Variants in ELFN2 observed in about 807,000 individuals in gnomAD.
ELFN2 encodes the protein protein phosphatase 1 regulatory subunit 29.
ELFN2 carries 17 observed loss-of-function variants against 45.5 expected under a neutral mutation model. That is an observed-to-expected ratio of 0.37 (90% CI 0.26 to 0.56). ELFN2 has a LOEUF of 0.56. Among genes scored for constraint, ELFN2 ranks in the 20% least tolerant of loss-of-function variants. The pLI is 0.77. For missense variants in ELFN2, 922 were observed against 1,183.2 expected, an observed-to-expected ratio of 0.78 and a Z score of 3.24; for synonymous variants, 550 against 551.5, an observed-to-expected ratio of 1.00 and a Z score of 0.04.
intron 2 of ELFN2, among the ~76,000 whole-genome samples, chr22:37,411,535 T>G (rs1243745276): frequency 1.3e-5 from 2 of 152,100 alleles, no homozygotes; most frequent in Non-Finnish European, 2.9e-5. Context: ...GTCCTTTGCC[T>G]GAGGTCCAGA....
intron 2 of ELFN2, among the ~76,000 whole-genome samples, chr22:37,410,905 G>A (rs531575015): frequency 1.3e-5 from 2 of 152,150 alleles, no homozygotes; most frequent in Non-Finnish European, 2.9e-5. Context: ...CACATTTCCT[G>A]ACCTAGCACC....
downstream of ELFN2, among the ~76,000 whole-genome samples, chr22:37,365,047 C>A (rs893299524): frequency 2.0e-5 from 3 of 152,182 alleles, no homozygotes; most frequent in African/African-American, 4.8e-5. Flanking sequence ...CCAGGCTGAG[C>A]CCAGAGGAGA....
At position 37,425,085 on chromosome 22, in the gene ELFN2, T is replaced by C. The variant is rs1049354197; in HGVS notation, c.-614+2213A>G. ...AAACACAGAAAGCAGCAAAATGGGATTCGAACCAATGGCCTCACGCTCCCT... is the reference window on the plus strand; with the variant it reads ...AAACACAGAAAGCAGCAAAATGGGACTCGAACCAATGGCCTCACGCTCCCT... On this transcript the variant is annotated intron_variant, in intron 1 of 2. Transcript: ENST00000402918. 5.9e-5 allele frequency among the ~76,000 whole-genome samples: 9 copies of C among 152,166 alleles called. 1 individual carries two copies. The highest frequency in any genetic ancestry group is 1.3e-4 in the Admixed American group (2 of 15,278).
At chr22:37,395,106 AAAATAAATAAATAAATAAATAAAT>A (rs3041590) in intron 2 of ELFN2, among the ~76,000 whole-genome samples, 1 of 140,928 alleles carries the variant, frequency 7.1e-6, no homozygotes, top group African/African-American at 2.6e-5. Context: ...CTCTGTCTCA[AAAATAAATAAATAAATAAATAAAT>A]AAATAAATAA....
chr22:37,421,902 C>G (rs1380106015), intron 1 of ELFN2, among the ~76,000 whole-genome samples: 4 of 152,182 alleles, frequency 2.6e-5, no homozygotes, highest in Non-Finnish European at 5.9e-5. Context: ...GACCCCACAG[C>G]CTCTGTCTCT....
At chr22:37,366,795 T>C (rs984353929), downstream of ELFN2, among the ~76,000 whole-genome samples, 2 of 152,220 alleles carry the variant, frequency 1.3e-5, no homozygotes, top group Admixed American at 6.5e-5. Flanking sequence ...GGAGGGACCC[T>C]GGCTGGCTGT....
At chr22:37,348,157 C>T (rs1169161542) in intron 1 of ELFN2, among the ~76,000 whole-genome samples, 1 of 152,178 alleles carries the variant, frequency 6.6e-6, no homozygotes, top group Non-Finnish European at 1.5e-5. Flanking sequence ...CAGTGTGGGC[C>T]ACGTTGAGGC....
rs752405158 is a variant in ELFN2, at chr22:37,349,592, C to A, written n.149-6889G>T. 1.3e-4 allele frequency among the ~76,000 whole-genome samples: 19 copies of A among 151,030 alleles called. 1 individual carries two copies. Among genetic ancestry groups the A allele is most frequent in the Non-Finnish European group, 2.4e-4 (16 of 67,310 alleles). The stretch of plus-strand genomic sequence containing the variant: ...CCCTCCTACCCCAGGGACATCAGAT[C>A]TGCCAGCCCCTTCCTCCTCCTGCCC... On this transcript the variant is annotated intron_variant and non_coding_transcript_variant, in intron 1 of 2. Transcript: ENST00000452946.
chr22:37,351,197 C>T (rs1930813040), intron 1 of ELFN2, among the ~76,000 whole-genome samples: 2 of 148,790 alleles, frequency 1.3e-5, no homozygotes, highest in South Asian at 4.2e-4. Flanking sequence ...CTTCTCCCAT[C>T]TCTTCCTCTC....
chr22:37,374,871 C>A lies in ELFN2; in HGVS notation c.664G>T (p.Ala222Ser). 6.2e-7 allele frequency: 1 copy of A among 1,609,744 alleles called. No individual in the cohort carries two copies. The highest frequency in any genetic ancestry group is 1.7e-5 in the Admixed American group (1 of 60,006). ...CGGGGCACCAGCAGCGGGTAGCCGG[C>A]AAACTCCCGCGGCGACTCACACTGC... ...RLQCESPREF[A>S]GYPLLVPRPY... Residue 222 changes from alanine (A) to serine (S), a missense_variant, in exon 3 of 3, where the codon GCC becomes TCC. Physicochemically the swap from Ala to Ser is moderately conservative, Grantham distance 99. Around this residue, in one of 2 missense-constraint regions of ELFN2, gnomAD observed 358 missense variants for 540.4 expected, o/e 0.66. Coordinates refer to ENST00000402918, the MANE Select transcript of ELFN2 (RefSeq NM_052906.5).
At chr22:37,386,016 G>C (rs913163098) in intron 2 of ELFN2, among the ~76,000 whole-genome samples, 1 of 152,122 alleles carries the variant, frequency 6.6e-6, no homozygotes, top group Non-Finnish European at 1.5e-5. Flanking sequence ...CGGCCCCACT[G>C]GGGAGAGGTC....
At chr22:37,350,565 A>C (rs977100449) in intron 1 of ELFN2, among the ~76,000 whole-genome samples, 40 of 150,352 alleles carry the variant, frequency 2.7e-4, no homozygotes, top group African/African-American at 9.7e-4. Context: ...GCAGGGCCCT[A>C]GGCCCACCCG....
At chr22:37,391,016 G>A (rs1932073477) in intron 2 of ELFN2, among the ~76,000 whole-genome samples, 1 of 152,238 alleles carries the variant, frequency 6.6e-6, no homozygotes, top group Admixed American at 6.5e-5. Flanking sequence ...GCAGAGAAAG[G>A]AGCCTAGAAG....
chr22:37,422,143 A>G (rs1932813529), intron 1 of ELFN2, among the ~76,000 whole-genome samples: 1 of 152,202 alleles, frequency 6.6e-6, no homozygotes, highest in African/African-American at 2.4e-5. Flanking sequence ...CAACCCCAGC[A>G]GTACCCATGC....
chr22:37,422,831 G>A (rs962000613), intron 1 of ELFN2, among the ~76,000 whole-genome samples: 5 of 151,380 alleles, frequency 3.3e-5, no homozygotes, highest in Non-Finnish European at 7.4e-5. Context: ...CTGACCTCAG[G>A]TGATCCTTCT....
rs1931535511 is a variant in ELFN2 at position 37,375,070 on chromosome 22, G to A, written c.465C>T (p.Ser155=). The change falls in exon 3 of 3, where the codon AGC becomes AGT. Residue 155 remains serine, a synonymous_variant. Transcript: ENST00000402918. The part of the protein sequence containing the change: ...TAFSECPSLI[S]IDLSSNRLSR... ...TGAGGCGGTTGGAGGACAGGTCGAT[G>A]CTGATGAGGCTCGGGCACTCGGAGA... 1 of 1,613,546 alleles carries A rather than the reference G, an allele frequency of 6.2e-7. No individual in the cohort carries two copies. Among genetic ancestry groups the A allele is most frequent in the African/African-American group, 1.3e-5 (1 of 74,930 alleles).
In ELFN2 at chr22:37,368,005, T is replaced by A. The variant is rs1931244211; in HGVS notation, c.*5067A>T. On this transcript the variant is annotated 3_prime_UTR_variant, in exon 3 of 3. Transcript: ENST00000402918. ...ATTGCAAATATAGAAATTGATTCTC[T>A]CCATACAGGAATCTCCGAGTTGAGG... 6.6e-6 allele frequency: 1 copy of A among 152,502 alleles called. No homozygotes were observed. The highest frequency in any genetic ancestry group is 1.5e-5 in the Non-Finnish European group (1 of 68,040). The allele number at this position is 152,502 out of a possible 1,614,324, so 9.4% of individuals were successfully genotyped here. A position where few individuals can be genotyped will look rare whatever the true frequency, so the allele number is the denominator to read the frequency against.
chr22:37,423,503 T>C (rs1932825853), intron 1 of ELFN2, among the ~76,000 whole-genome samples: 1 of 152,174 alleles, frequency 6.6e-6, no homozygotes, highest in Non-Finnish European at 1.5e-5. Flanking sequence ...CCTGGTTCCA[T>C]CGCTGTGTGG....
chr22:37,354,474 G>A (rs1032842541), intron 1 of ELFN2: 39 of 152,270 alleles, frequency 2.6e-4, no homozygotes, highest in African/African-American at 8.7e-4. Flanking sequence ...CATGACTTAG[G>A]TATGTGACCT....
Sources: gnomAD v4.1 joint callset for allele counts (sites outside exome capture counted in the v4.1 genomes callset) on GRCh38, gnomAD v4.1.1 for gene constraint, gnomAD v4.1.1 regional missense constraint, MANE v1.5 for transcripts, NCBI Gene and HGNC (gene_info 2026-07-23, HGNC 2026-07-21) for gene names.